GABRA3: variants seen among roughly 807,000 people sequenced by gnomAD.
GABRA3 encodes gamma-aminobutyric acid receptor subunit alpha-3.
Under a neutral mutation model 30.1 loss-of-function variants are expected in GABRA3, and 10 were observed. The observed-to-expected ratio is 0.33, with a 90% CI of 0.20 to 0.56. GABRA3 has a LOEUF of 0.56. Among genes scored for constraint, GABRA3 ranks in the 20% least tolerant of loss-of-function variants. GABRA3 has a pLI of 0.89. For synonymous variants in GABRA3, 151 were observed against 146.8 expected (o/e 1.03, Z -0.21); for missense variants, 233 against 392.0 (o/e 0.59, Z 3.42).
intron 9 of GABRA3, among the ~76,000 whole-genome samples, chrX:152,175,277 G>C (rs1202530938): frequency 9.2e-6 from 1 of 109,160 alleles, no homozygotes; most frequent in Non-Finnish European, 1.9e-5. Context: ...GAGAGAAATA[G>C]AGGACTTGGA....
At chrX:152,318,910 C>T (rs987964452) in intron 3 of GABRA3, among the ~76,000 whole-genome samples, 3 of 111,297 alleles carry the variant, frequency 2.7e-5, no homozygotes, top group Non-Finnish European at 5.7e-5. Context: ...TGAAAGCATT[C>T]CCTCTGAGAA....
intron 5 of GABRA3, among the ~76,000 whole-genome samples, chrX:152,227,609 T>TAAA (rs56151403): frequency 2.0e-5 from 2 of 99,768 alleles, no homozygotes; most frequent in African/African-American, 7.6e-5. Flanking sequence ...TTTTTTTTTT[T>TAAA]AAAAAAAAAA....
chrX:152,408,655 A>C (rs188991083), intron 1 of GABRA3, among the ~76,000 whole-genome samples: 1 of 110,893 alleles, frequency 9.0e-6, no homozygotes, highest in East Asian at 2.8e-4. Context: ...CCACAGATTC[A>C]ATGTAGTCCC....
intron 5 of GABRA3, among the ~76,000 whole-genome samples, chrX:152,236,237 A>C (rs1938209721): frequency 9.7e-6 from 1 of 102,741 alleles, no homozygotes; most frequent in Non-Finnish European, 2.0e-5. Context: ...GAGTGAGAAT[A>C]TGCGGTGTTT....
chrX:152,426,067 A>G (rs763138614), intron 1 of GABRA3, among the ~76,000 whole-genome samples: 108 of 111,466 alleles, frequency 9.7e-4, no homozygotes, highest in African/African-American at 3.4e-3. Flanking sequence ...ACTAAACTAT[A>G]ATTGTGGAAA....
intron 3 of GABRA3, among the ~76,000 whole-genome samples, chrX:152,334,452 T>C (rs1307485114): frequency 8.9e-6 from 1 of 112,092 alleles, no homozygotes; most frequent in Non-Finnish European, 1.9e-5. Flanking sequence ...TTTAAGCATA[T>C]TATCTAATGA....
At chrX:152,380,162 T>C (rs1172072012) in intron 1 of GABRA3, among the ~76,000 whole-genome samples, 4 of 111,884 alleles carry the variant, frequency 3.6e-5, no homozygotes, top group Non-Finnish European at 7.5e-5. Flanking sequence ...ACATTATTAC[T>C]GACTACAGTT....
At chrX:152,203,600 T>C (rs1937508950) in intron 7 of GABRA3, among the ~76,000 whole-genome samples, 1 of 111,957 alleles carries the variant, frequency 8.9e-6, no homozygotes, top group Admixed American at 9.5e-5. Context: ...GGTCTCACTG[T>C]GCTAAAATCA....
intron 1 of GABRA3, among the ~76,000 whole-genome samples, chrX:152,385,042 A>T (rs1459674176): frequency 1.8e-5 from 2 of 111,768 alleles, no homozygotes; most frequent in Non-Finnish European, 3.8e-5. Flanking sequence ...AAATTTAGAA[A>T]TTAGAAATTA....
In GABRA3 at chrX:152,273,053, C is replaced by T. The variant is rs1357222866; in HGVS notation, c.330+11615G>A. Among the ~76,000 whole-genome samples the T allele has an allele frequency of 2.7e-5, 3 of 111,292 alleles. No individual in the cohort carries two copies. In the East Asian group the frequency reaches 8.5e-4, roughly 31 times the overall value. On this transcript the variant is annotated intron_variant, in intron 4 of 9. Coordinates refer to ENST00000370314, the MANE Select transcript of GABRA3 (RefSeq NM_000808.4). The stretch of plus-strand genomic sequence containing the variant: ...CACCATCTGACAAGGGATTAACAAC[C>T]AGAAGATATAAGCCGCTCAAACAAC...
chrX:152,426,473 T>C (rs776878309), intron 1 of GABRA3, among the ~76,000 whole-genome samples: 6 of 111,838 alleles, frequency 5.4e-5, no homozygotes, highest in Non-Finnish European at 7.5e-5. Flanking sequence ...TTGATTAACT[T>C]GCAAGAGTTA....
intron 1 of GABRA3, among the ~76,000 whole-genome samples, chrX:152,378,675 T>A (rs1929061634): frequency 9.0e-6 from 1 of 111,480 alleles, no homozygotes; most frequent in African/African-American, 3.3e-5. Context: ...ATATCGGCGA[T>A]TTTTTACATG....
intron 7 of GABRA3, among the ~76,000 whole-genome samples, chrX:152,199,621 C>G (rs1319332417): frequency 9.0e-6 from 1 of 111,026 alleles, no homozygotes; most frequent in Non-Finnish European, 1.9e-5. Context: ...ATTCTCTACT[C>G]AACTCTAAGA....
At chrX:152,390,345 T>C (rs377029411) in intron 1 of GABRA3, among the ~76,000 whole-genome samples, 38 of 112,474 alleles carry the variant, frequency 3.4e-4, no homozygotes, top group African/African-American at 1.2e-3. Flanking sequence ...AAATTTGATA[T>C]ATAAACTTAT....
intron 9 of GABRA3, among the ~76,000 whole-genome samples, chrX:152,180,088 T>G (rs943620757): frequency 1.8e-5 from 2 of 111,577 alleles, no homozygotes; most frequent in Non-Finnish European, 3.8e-5. Context: ...AGTAGTGGGG[T>G]CGATCAACCA....
chrX:152,276,909 A>G (rs1320519449), intron 4 of GABRA3, among the ~76,000 whole-genome samples: 2 of 112,042 alleles, frequency 1.8e-5, no homozygotes, highest in Non-Finnish European at 3.8e-5. Flanking sequence ...ACGGTTGTGA[A>G]TATCTTTGAG....
chrX:152,247,669 C>G (rs1938481136), intron 5 of GABRA3, among the ~76,000 whole-genome samples: 1 of 111,744 alleles, frequency 8.9e-6, no homozygotes, highest in Non-Finnish European at 1.9e-5. Context: ...CTGCAATGGT[C>G]TATGAGGCAG....
chrX:152,338,047 C>A (rs1316378961), intron 3 of GABRA3, among the ~76,000 whole-genome samples: 2 of 111,457 alleles, frequency 1.8e-5, no homozygotes, highest in South Asian at 3.7e-4. Context: ...GATATATACC[C>A]AATAGTGCAA....
At chrX:152,441,290 T>C (rs1017195608) in intron 1 of GABRA3, among the ~76,000 whole-genome samples, 1 of 111,294 alleles carries the variant, frequency 9.0e-6, no homozygotes, top group Admixed American at 9.6e-5. Flanking sequence ...CTAAATCTAA[T>C]ATGTAAGAGT....
Sources: allele counts gnomAD v4.1 joint callset (sites outside exome capture counted in the v4.1 genomes callset), GRCh38; gene constraint gnomAD v4.1.1; transcripts MANE v1.5; gene names NCBI Gene and HGNC (gene_info 2026-07-23, HGNC 2026-07-21).